TBC1D2: variants seen among roughly 807,000 people sequenced by gnomAD.
TBC1D2 encodes the protein TBC1 domain family member 2, also known as TBC1 domain family member 2A.
TBC1D2 carries 58 observed loss-of-function variants against 91.1 expected under a neutral mutation model. That is an observed-to-expected ratio of 0.64 (90% CI 0.52 to 0.79). The LOEUF is 0.79. Ranked by LOEUF, TBC1D2 falls within the 30% of genes least tolerant of loss-of-function variation. TBC1D2 has a pLI of 0.00. For synonymous variants in TBC1D2, 482 were observed against 511.5 expected (o/e 0.94, Z 0.78); for missense variants, 1,080 against 1,208.3 (o/e 0.89, Z 1.57).
intron 10 of TBC1D2, among the ~76,000 whole-genome samples, chr9:98,202,194 A>G (rs1828525638): frequency 6.6e-6 from 1 of 152,356 alleles, no homozygotes; most frequent in East Asian, 1.9e-4. Flanking sequence ...CTCGCCGGAC[A>G]TCAAGGAATC....
In TBC1D2 at chr9:98,239,445, CCTT is replaced by C. The variant is rs1472085434; in HGVS notation, c.647+4546_647+4548del. On this transcript the variant is annotated intron_variant, in intron 3 of 12. Transcript: ENST00000465784. ...TCTACTGAAATGATGTGGTTTTTCA[CCTT>C]CTTCTTATTAATGTAGTGTATTACA... Among the ~76,000 whole-genome samples the C allele has an allele frequency of 1.3e-4, 20 of 152,302 alleles. No homozygotes were observed. The South Asian group carries it at 2.1e-3, about 16-fold the overall frequency.
At chr9:98,210,219 G>C (rs1043605036) in intron 8 of TBC1D2, among the ~76,000 whole-genome samples, 1 of 152,256 alleles carries the variant, frequency 6.6e-6, no homozygotes, top group Admixed American at 6.5e-5. Context: ...TCCAAAGCTC[G>C]AGCTCCTGCC....
chr9:98,248,779 G>T (rs1444781729), intron 2 of TBC1D2, among the ~76,000 whole-genome samples: 1 of 152,174 alleles, frequency 6.6e-6, no homozygotes, highest in Non-Finnish European at 1.5e-5. Flanking sequence ...ATTTATACAG[G>T]TCCTTTGTAA....
At position 98,203,338 on chromosome 9, in the gene TBC1D2, C is replaced by T; in HGVS notation, c.2221G>A (p.Glu741Lys). 1 of 1,614,250 alleles carries T rather than the reference C, an allele frequency of 6.2e-7. No individual in the cohort carries two copies. The highest frequency in any genetic ancestry group is 1.1e-5 in the South Asian group (1 of 91,090). Residue 741 changes from glutamate to lysine, a missense_variant, in exon 10 of 13, where the codon GAG becomes AAG. By Grantham distance (56) the Glu-to-Lys change is moderately conservative. Coordinates refer to ENST00000465784, the MANE Select transcript of TBC1D2 (RefSeq NM_001267571.2). The part of the protein sequence containing the change: ...SAFWCLVAIV[E>K]TIMPADYYCN... The stretch of plus-strand genomic sequence containing the variant: ...TAGTAATCAGCGGGCATGATGGTCT[C>T]CACAATGGCCACCAGGCACCAGAAG...
rs1382465225 is a variant in TBC1D2, at chr9:98,232,368, C to T, written c.781+1048G>A. On this transcript the variant is annotated intron_variant, in intron 4 of 12. Transcript: ENST00000465784. Reference sequence around the variant, plus strand: ...TTTTTTTTTTTGACAGTGTCTCACTCTGTCACCCATGCATGATCACGGCTC... The same window carrying T: ...TTTTTTTTTTTGACAGTGTCTCACTTTGTCACCCATGCATGATCACGGCTC... 9.4e-5 allele frequency among the ~76,000 whole-genome samples: 6 copies of T among 63,576 alleles called. No homozygotes were observed. The African/African-American group carries it at 1.1e-3, about 11-fold the overall frequency. The allele number at this position is 63,576 out of a possible 152,430, so 41.7% of individuals were successfully genotyped here. A position where few individuals can be genotyped will look rare whatever the true frequency, so the allele number is the denominator to read the frequency against.
rs73488713 is a variant in TBC1D2, at chr9:98,228,298, A to G, written c.978+654T>C. Among the ~76,000 whole-genome samples the G allele has an allele frequency of 6.6e-6, 1 of 152,162 alleles. No individual in the cohort carries two copies. Among genetic ancestry groups the G allele is most frequent in the Non-Finnish European group, 1.5e-5 (1 of 68,034 alleles). ...TTTGCCCTGGGACCCTCACTACTTC[A>G]TAAGGTAGCCCCTGGCTTTTAATAC... On this transcript the variant is annotated intron_variant, in intron 5 of 12. Transcript: ENST00000465784. This position sits in a 1 kb window ranked among gnomAD's most constrained non-coding sequence, Gnocchi z 4.0.
chr9:98,242,302 G>T (rs1363101675), intron 3 of TBC1D2, among the ~76,000 whole-genome samples: 1 of 152,062 alleles, frequency 6.6e-6, no homozygotes, highest in Non-Finnish European at 1.5e-5. Context: ...TCAGCCGGGC[G>T]TGGTGGTGGG....
rs375327308 is a variant in TBC1D2, at chr9:98,213,081, C to T, written c.1485+27G>A. 3.9e-4 allele frequency: 630 copies of T among 1,612,652 alleles called. 13 individuals are homozygous for T. The South Asian group carries it at 6.4e-3, about 16-fold the overall frequency. On this transcript the variant is annotated intron_variant, in intron 7 of 12. Coordinates refer to ENST00000465784, the MANE Select transcript of TBC1D2 (RefSeq NM_001267571.2). Reference sequence around the variant, plus strand: ...CCAGCAGAGGGGCCAGGGATGGAGACGGCTGGAATAGGGCCCCACCCCGCA... The same window carrying T: ...CCAGCAGAGGGGCCAGGGATGGAGATGGCTGGAATAGGGCCCCACCCCGCA...
In TBC1D2 at chr9:98,233,486, C is replaced by T; in HGVS notation, c.711G>A (p.Gly237=). ...QAQGTGHEPP[G]EDSPQSGEPQ... is the part of the protein sequence containing the mutation. ...GCTCCCCACTCTGTGGAGAATCTTC[C>T]CCTGGAGGTTCATGGCCTGTTCCCT... The change falls in exon 4 of 13, where the codon GGG becomes GGA. Residue 237 remains glycine, a synonymous_variant. Coordinates refer to ENST00000465784, the MANE Select transcript of TBC1D2 (RefSeq NM_001267571.2). 1 of 1,614,184 alleles carries T rather than the reference C, an allele frequency of 6.2e-7. No homozygotes were observed. Among genetic ancestry groups the T allele is most frequent in the Non-Finnish European group, 8.5e-7 (1 of 1,180,010 alleles).
intron 2 of TBC1D2, among the ~76,000 whole-genome samples, chr9:98,247,533 C>A (rs1325130742): frequency 6.6e-6 from 1 of 151,974 alleles, no homozygotes; most frequent in African/African-American, 2.4e-5. Context: ...TTGAGACCAT[C>A]CCAGGTAACA....
chr9:98,244,856 C>T (rs1214792337), intron 2 of TBC1D2, among the ~76,000 whole-genome samples: 4 of 151,826 alleles, frequency 2.6e-5, no homozygotes, highest in Non-Finnish European at 4.4e-5. Flanking sequence ...CTTCATATGA[C>T]GGAATATTAA....
At chr9:98,219,738 T>C (rs1041923913) in intron 6 of TBC1D2, among the ~76,000 whole-genome samples, 3 of 152,258 alleles carry the variant, frequency 2.0e-5, no homozygotes, top group African/African-American at 4.8e-5. Flanking sequence ...ATGACGGCTA[T>C]GATGTCACTA....
chr9:98,233,387 A>T (rs747824316), intron 4 of TBC1D2, 29 bp downstream of exon 4: 1 of 1,596,242 alleles, frequency 6.3e-7, no homozygotes, highest in East Asian at 2.2e-5. Flanking sequence ...TGGTCCCTGA[A>T]GGCAGCTCAG....
At chr9:98,226,418 G>A (rs1588048395) in intron 5 of TBC1D2, among the ~76,000 whole-genome samples, 2 of 152,326 alleles carry the variant, frequency 1.3e-5, no homozygotes, top group Middle Eastern at 6.8e-3. Context: ...GCCTGCATCT[G>A]TTGGGCAGCT....
At chr9:98,202,885 G>GC (rs1461814088) in intron 10 of TBC1D2, among the ~76,000 whole-genome samples, 1 of 152,282 alleles carries the variant, frequency 6.6e-6, no homozygotes, top group East Asian at 1.9e-4. Context: ...CCAGTAAACT[G>GC]CAAGTAGAAA....
intron 12 of TBC1D2, 110 bp from the exon 13 acceptor site, chr9:98,199,698 C>G (rs2118971705): frequency 9.0e-7 from 1 of 1,116,754 alleles, no homozygotes; most frequent in Non-Finnish European, 1.3e-6. Context: ...TGGCTGAGCC[C>G]TGACCCCTGC....
intron 3 of TBC1D2, chr9:98,235,012 T>C: frequency 6.1e-6 from 1 of 163,348 alleles, no homozygotes; most frequent in Non-Finnish European, 1.3e-5. Flanking sequence ...AAGACCAGCC[T>C]GGCCAGGATG....
chr9:98,241,917 C>T (rs1429822264), intron 3 of TBC1D2, among the ~76,000 whole-genome samples: 6 of 152,160 alleles, frequency 3.9e-5, no homozygotes, highest in Non-Finnish European at 8.8e-5. Context: ...GGAGCTCTAC[C>T]TCCAGCCAGC....
Position 98,203,278 on chromosome 9 carries a change from C to T in TBC1D2, c.2271+10G>A. On this transcript the variant is annotated intron_variant, in intron 10 of 12. Transcript: ENST00000465784. ...ACATGGCTGCAAAGTCCCCTCCTGG[C>T]CCCACTTACCTGGGATGCCGTCAGC... The T allele has an allele frequency of 4.3e-6, 7 of 1,614,050 alleles. No homozygotes were observed. The highest frequency in any genetic ancestry group is 5.1e-6 in the Non-Finnish European group (6 of 1,179,936).
Sources: gnomAD v4.1 joint callset for allele counts (sites outside exome capture counted in the v4.1 genomes callset) on GRCh38, gnomAD v4.1.1 for gene constraint, Gnocchi (gnomAD v3.1) non-coding constraint, MANE v1.5 for transcripts, NCBI Gene and HGNC (gene_info 2026-07-23, HGNC 2026-07-21) for gene names.